The following RASGRF2 variants were observed in gnomAD, a reference collection of about 807,000 sequenced individuals.
RASGRF2 encodes Ras protein specific guanine nucleotide releasing factor 2.
In RASGRF2, 76 loss-of-function variants were observed where a neutral mutation model predicts 151.0. That is an observed-to-expected ratio of 0.50 (90% confidence interval 0.42 to 0.61). The LOEUF is 0.61. Ranked by LOEUF, RASGRF2 falls within the 20% of genes least tolerant of loss-of-function variation. The pLI, the probability that RASGRF2 is intolerant of heterozygous loss-of-function variation, is 0.00. For synonymous variants in RASGRF2, 504 were observed against 566.5 expected, an observed-to-expected ratio of 0.89 and a Z score of 1.57; for missense variants, 1,148 against 1,564.6, an observed-to-expected ratio of 0.73 and a Z score of 4.49.
intron 2 of RASGRF2, among the ~76,000 whole-genome samples, chr5:81,043,860 G>A (rs1242272095): frequency 6.6e-6 from 1 of 152,178 alleles, no homozygotes; most frequent in African/African-American, 2.4e-5. Context: ...CCCGCCCTGA[G>A]ACATCTCCCT....
intron 1 of RASGRF2, among the ~76,000 whole-genome samples, chr5:80,993,003 C>G (rs13358494): frequency 0.17 from 25,856 of 152,114 alleles, 2,347 homozygotes; most frequent in South Asian, 0.22. Context: ...AAAGAAACAC[C>G]TCATAAAAGG....
At chr5:80,993,587 A>C (rs1313692449) in intron 1 of RASGRF2, among the ~76,000 whole-genome samples, 2 of 152,178 alleles carry the variant, frequency 1.3e-5, no homozygotes, top group African/African-American at 2.4e-5. Flanking sequence ...TTCAATAAAG[A>C]GATGATTTAC....
chr5:81,164,876 G>C (rs1288375996), intron 17 of RASGRF2, among the ~76,000 whole-genome samples: 1 of 152,172 alleles, frequency 6.6e-6, no homozygotes, highest in Non-Finnish European at 1.5e-5. Flanking sequence ...GAACTTGGAG[G>C]CTCTCAAATA....
At chr5:81,041,496 T>C (rs962334316) in intron 1 of RASGRF2, among the ~76,000 whole-genome samples, 7 of 152,178 alleles carry the variant, frequency 4.6e-5, no homozygotes, top group Non-Finnish European at 8.8e-5. Context: ...TCTCCACATC[T>C]TAACATAGAT....
chr5:81,201,215 A>G, intron 18 of RASGRF2, 115 bp from the exon 19 acceptor site: 5 of 1,444,792 alleles, frequency 3.5e-6, no homozygotes, highest in Non-Finnish European at 4.6e-6. Flanking sequence ...TAGGGTCCAT[A>G]CATTTTAATT....
intron 1 of RASGRF2, among the ~76,000 whole-genome samples, chr5:80,969,436 C>A (rs2112213008): frequency 6.8e-6 from 1 of 145,998 alleles, no homozygotes; most frequent in South Asian, 2.2e-4. Context: ...GACTGGCCAG[C>A]ACTCTTTTTT....
At chr5:81,056,628 T>C (rs1221196775) in intron 2 of RASGRF2, among the ~76,000 whole-genome samples, 1 of 152,214 alleles carries the variant, frequency 6.6e-6, no homozygotes. Flanking sequence ...GAGAGCTCTG[T>C]AGATGTCTAT....
intron 17 of RASGRF2, among the ~76,000 whole-genome samples, chr5:81,144,689 A>G (rs1001402922): frequency 6.6e-6 from 1 of 152,202 alleles, no homozygotes; most frequent in African/African-American, 2.4e-5. Flanking sequence ...ATACACTTCA[A>G]TAGGCATACA....
At chr5:80,962,300 A>G (rs1355597016) in intron 1 of RASGRF2, among the ~76,000 whole-genome samples, 7 of 152,214 alleles carry the variant, frequency 4.6e-5, no homozygotes, top group African/African-American at 1.7e-4. Flanking sequence ...CTGATTTCCA[A>G]CTTTATAGAT....
intron 1 of RASGRF2, among the ~76,000 whole-genome samples, chr5:80,980,198 G>C (rs767829918): frequency 2.0e-5 from 3 of 152,178 alleles, no homozygotes; most frequent in East Asian, 3.8e-4. Context: ...TTACTTTACT[G>C]TTGGTAAGGG....
At chr5:81,215,750 G>T in intron 23 of RASGRF2, 126 bp from the exon 24 acceptor site, 3 of 1,177,212 alleles carry the variant, frequency 2.5e-6, no homozygotes, top group East Asian at 6.2e-5. Flanking sequence ...ATCACACAAT[G>T]ACCTTTATTC....
intron 18 of RASGRF2, among the ~76,000 whole-genome samples, chr5:81,194,179 TAA>T (rs34067957): frequency 1.2e-4 from 16 of 130,978 alleles, no homozygotes; most frequent in Admixed American, 2.3e-4. Flanking sequence ...GCCCCATCTC[TAA>T]AAAAAAAAAA....
intron 24 of RASGRF2, among the ~76,000 whole-genome samples, chr5:81,216,500 G>A (rs577173896): frequency 1.3e-5 from 2 of 152,108 alleles, no homozygotes; most frequent in Non-Finnish European, 2.9e-5. Flanking sequence ...ATGAGTGAAA[G>A]CAAGACTAAG....
chr5:81,153,978 T>C (rs541411895), intron 17 of RASGRF2, among the ~76,000 whole-genome samples: 1 of 151,556 alleles, frequency 6.6e-6, no homozygotes, highest in Admixed American at 6.6e-5. Flanking sequence ...AGCGGTGTTT[T>C]ATAATGAAAA....
intron 1 of RASGRF2, among the ~76,000 whole-genome samples, chr5:81,039,205 T>C (rs1441699133): frequency 1.3e-5 from 2 of 152,198 alleles, no homozygotes; most frequent in African/African-American, 2.4e-5. Context: ...TTAAAAGATT[T>C]CCTAGTATTT....
At chr5:81,083,532 G>T (rs752444781) in intron 7 of RASGRF2, among the ~76,000 whole-genome samples, 1 of 152,222 alleles carries the variant, frequency 6.6e-6, no homozygotes, top group African/African-American at 2.4e-5. Flanking sequence ...TGGAAACATG[G>T]AGAAATTGTA....
At chr5:81,158,086 G>C (rs954768723) in intron 17 of RASGRF2, among the ~76,000 whole-genome samples, 12 of 152,146 alleles carry the variant, frequency 7.9e-5, no homozygotes, top group Non-Finnish European at 1.6e-4. Context: ...GAAAAAATAA[G>C]AACTATGTTG....
chr5:81,119,611 G>A (rs1052504205), intron 15 of RASGRF2, among the ~76,000 whole-genome samples: 2 of 152,212 alleles, frequency 1.3e-5, no homozygotes, highest in African/African-American at 2.4e-5. Flanking sequence ...CACAGGCTTC[G>A]AAGACCTGTC....
At chr5:81,188,969 T>C (rs1364206478) in intron 18 of RASGRF2, among the ~76,000 whole-genome samples, 1 of 152,250 alleles carries the variant, frequency 6.6e-6, no homozygotes, top group African/African-American at 2.4e-5. Context: ...ATGTCAACAC[T>C]GCCAATGCTT....
Sources: gnomAD v4.1 joint callset for allele counts (sites outside exome capture counted in the v4.1 genomes callset) on GRCh38, gnomAD v4.1.1 for gene constraint, MANE v1.5 for transcripts, NCBI Gene and HGNC (gene_info 2026-07-23, HGNC 2026-07-21) for gene names.